Variants in GHR observed in about 807,000 individuals in gnomAD.
The protein encoded by GHR is GH receptor.
A neutral mutation model predicts 67.1 loss-of-function variants in GHR; 35 were observed. The observed-to-expected ratio is 0.52, with a 90% CI of 0.40 to 0.69. The LOEUF (loss-of-function observed/expected upper bound fraction) is 0.69. GHR is among the 30% of genes least tolerant of loss of function. The probability of loss-of-function intolerance (pLI) is 0.00; values close to 1 mark genes in which losing one functional copy is unlikely to be tolerated. For missense variants in GHR, 792 were observed against 764.6 expected (o/e 1.04, Z -0.42); for synonymous variants, 272 against 269.1 (o/e 1.01, Z -0.10).
At chr5:42,698,094 C>A (rs2111727871) in intron 5 of GHR, among the ~76,000 whole-genome samples, 1 of 152,132 alleles carries the variant, frequency 6.6e-6, no homozygotes, top group East Asian at 1.9e-4. Flanking sequence ...GAAAGGAGAG[C>A]AGGTTTTGGA....
At chr5:42,539,112 C>T (rs191142251) in intron 1 of GHR, among the ~76,000 whole-genome samples, 14 of 152,114 alleles carry the variant, frequency 9.2e-5, no homozygotes, top group Middle Eastern at 6.8e-3. Context: ...GATTTCCTTG[C>T]GTTGGGCTTC....
At chr5:42,497,223 T>G (rs939576434) in intron 1 of GHR, among the ~76,000 whole-genome samples, 1 of 152,232 alleles carries the variant, frequency 6.6e-6, no homozygotes, top group Non-Finnish European at 1.5e-5. Flanking sequence ...TTATTTATCT[T>G]AACCTTTTTG....
At chr5:42,580,656 C>T (rs1751116021) in intron 2 of GHR, among the ~76,000 whole-genome samples, 1 of 152,154 alleles carries the variant, frequency 6.6e-6, no homozygotes, top group Non-Finnish European at 1.5e-5. Flanking sequence ...AACGATGTAG[C>T]CAAGATTTCA....
chr5:42,614,379 A>T (rs193128187), intron 2 of GHR, among the ~76,000 whole-genome samples: 27 of 151,908 alleles, frequency 1.8e-4, no homozygotes, highest in African/African-American at 6.3e-4. Flanking sequence ...CCACCTAGAG[A>T]AGTGCTTCTC....
intron 1 of GHR, among the ~76,000 whole-genome samples, chr5:42,561,465 G>A (rs2112458319): frequency 6.6e-6 from 1 of 152,318 alleles, no homozygotes; most frequent in Middle Eastern, 3.4e-3. Context: ...GTTATAGCAT[G>A]CTGGAAAAAG....
At position 42,423,495 on chromosome 5, in the gene GHR, A is replaced by G. The variant is rs570635690; in HGVS notation, c.-472A>G. ...CTCGCCGGGAAGACTTCATCCCAGC[A>G]ACTCGGAATGCTTGGCCCGGGCGGC... On this transcript the variant is annotated 5_prime_UTR_variant, in exon 1 of 10. Coordinates refer to ENST00000230882, the MANE Select transcript of GHR (RefSeq NM_000163.5). Among the ~76,000 whole-genome samples, 4 of 152,322 alleles carry G rather than the reference A, an allele frequency of 2.6e-5. No individual in the cohort carries two copies. In the East Asian group the frequency reaches 7.7e-4, roughly 29 times the overall value.
At chr5:42,692,957 T>C (rs1757488140) in intron 4 of GHR, among the ~76,000 whole-genome samples, 1 of 152,156 alleles carries the variant, frequency 6.6e-6, no homozygotes, top group African/African-American at 2.4e-5. Context: ...AAAGTAAATA[T>C]CAAATTAAGC....
intron 1 of GHR, among the ~76,000 whole-genome samples, chr5:42,479,028 A>T (rs1428349091): frequency 6.6e-6 from 1 of 152,186 alleles, no homozygotes; most frequent in Non-Finnish European, 1.5e-5. Context: ...AGTTTGTCAT[A>T]GATAGCTCTT....
At chr5:42,647,574 C>CAAAA (rs36110641) in intron 3 of GHR, 318 of 325,622 alleles carry the variant, frequency 9.8e-4, no homozygotes, top group Non-Finnish European at 1.2e-3. Flanking sequence ...ACTGCGTCTC[C>CAAAA]AAAAAAAAAA....
chr5:42,706,330 C>T (rs1416962724), intron 6 of GHR, among the ~76,000 whole-genome samples: 1 of 152,018 alleles, frequency 6.6e-6, no homozygotes, highest in Non-Finnish European at 1.5e-5. Flanking sequence ...ATATTTTCAG[C>T]CATTCTGTAG....
At chr5:42,426,567 T>C (rs1037982824) in intron 1 of GHR, among the ~76,000 whole-genome samples, 4 of 152,188 alleles carry the variant, frequency 2.6e-5, no homozygotes, top group African/African-American at 4.8e-5. Context: ...TGTGTTTATG[T>C]GTGTCCATAC....
chr5:42,703,813 A>G (rs898303379), intron 6 of GHR, among the ~76,000 whole-genome samples: 23 of 151,602 alleles, frequency 1.5e-4, no homozygotes, highest in African/African-American at 5.3e-4. Context: ...GATATTGTGA[A>G]AGGGATTTCT....
intron 4 of GHR, among the ~76,000 whole-genome samples, chr5:42,692,493 G>A (rs1454814583): frequency 6.6e-6 from 1 of 152,038 alleles, no homozygotes; most frequent in African/African-American, 2.4e-5. Flanking sequence ...GCTAATTTGG[G>A]TTCTTGTCTA....
chr5:42,557,976 A>G (rs987488553), intron 1 of GHR, among the ~76,000 whole-genome samples: 1 of 152,204 alleles, frequency 6.6e-6, no homozygotes, highest in African/African-American at 2.4e-5. Context: ...TTGTGAATCC[A>G]GTCAGTGAAT....
intron 1 of GHR, among the ~76,000 whole-genome samples, chr5:42,503,670 T>C (rs1443826666): frequency 2.0e-5 from 3 of 152,196 alleles, no homozygotes; most frequent in Non-Finnish European, 2.9e-5. Flanking sequence ...ATATATATCA[T>C]GTCAGGTAGA....
chr5:42,446,519 A>G (rs1367689959), intron 1 of GHR, among the ~76,000 whole-genome samples: 1 of 152,240 alleles, frequency 6.6e-6, no homozygotes, highest in Non-Finnish European at 1.5e-5. Context: ...ACCTGCAGGT[A>G]GCTGCTACCA....
intron 3 of GHR, among the ~76,000 whole-genome samples, chr5:42,631,136 A>G (rs537489555): frequency 6.6e-6 from 1 of 152,256 alleles, no homozygotes; most frequent in East Asian, 1.9e-4. Flanking sequence ...TGTATGTCAC[A>G]GGGTCTAAGA....
At chr5:42,454,639 G>A (rs1431309741) in intron 1 of GHR, among the ~76,000 whole-genome samples, 3 of 152,120 alleles carry the variant, frequency 2.0e-5, no homozygotes, top group Non-Finnish European at 4.4e-5. Flanking sequence ...CCAGGGAAGT[G>A]GAGAATAGCC....
intron 1 of GHR, among the ~76,000 whole-genome samples, chr5:42,549,106 A>T (rs1158402536): frequency 1.3e-5 from 2 of 152,222 alleles, no homozygotes; most frequent in African/African-American, 4.8e-5. Context: ...AAAGAGAAAT[A>T]GGGCTTTGTC....
Sources: gnomAD v4.1 joint callset for allele counts (sites outside exome capture counted in the v4.1 genomes callset) on GRCh38, gnomAD v4.1.1 for gene constraint, MANE v1.5 for transcripts, NCBI Gene and HGNC (gene_info 2026-07-23, HGNC 2026-07-21) for gene names.